Variants in MARCHF1 observed in about 807,000 individuals in gnomAD.
The protein encoded by MARCHF1 is membrane associated ring-CH-type finger 1.
MARCHF1 carries 40 observed loss-of-function variants against 54.2 expected under a neutral mutation model. The observed-to-expected ratio is 0.74, with a 90% CI of 0.57 to 0.96. MARCHF1 has a LOEUF of 0.96. Among genes scored for constraint, MARCHF1 ranks in the 40% least tolerant of loss-of-function variants. The pLI is 0.00. For missense variants in MARCHF1, 586 were observed against 656.5 expected (o/e 0.89, Z 1.17); for synonymous variants, 236 against 236.3 (o/e 1.00, Z 0.01).
At chr4:164,187,272 C>CT (rs35614135) in intron 1 of MARCHF1, among the ~76,000 whole-genome samples, 115,909 of 151,950 alleles carry the variant, frequency 0.76, 44,738 homozygotes, top group Non-Finnish European at 0.83. Flanking sequence ...GGTCTGCCCC[C>CT]CTCCTGGAGA....
intron 2 of MARCHF1, among the ~76,000 whole-genome samples, chr4:164,035,199 T>C (rs183548141): frequency 1.3e-5 from 2 of 152,216 alleles, no homozygotes; most frequent in East Asian, 3.9e-4. Context: ...TTTTATATAT[T>C]TTAGTGAAAG....
intron 2 of MARCHF1, among the ~76,000 whole-genome samples, chr4:164,023,321 T>A (rs1753704078): frequency 6.6e-6 from 1 of 152,022 alleles, no homozygotes; most frequent in South Asian, 2.1e-4. Context: ...CAGGTAAGGG[T>A]GTCATTTGTC....
intron 3 of MARCHF1, among the ~76,000 whole-genome samples, chr4:163,929,957 A>AT (rs1553963990): frequency 0.17 from 16,618 of 100,174 alleles, 1,394 homozygotes; most frequent in East Asian, 0.31. Context: ...TATATATATT[A>AT]TATATAATAT....
chr4:163,632,405 G>A (rs578034502), intron 5 of MARCHF1, among the ~76,000 whole-genome samples: 143 of 152,190 alleles, frequency 9.4e-4, no homozygotes, highest in Non-Finnish European at 1.8e-3. Flanking sequence ...TGCGCCAGCC[G>A]AAGCAGGGCG....
At chr4:163,860,915 C>T (rs183864675) in intron 3 of MARCHF1, among the ~76,000 whole-genome samples, 36 of 152,122 alleles carry the variant, frequency 2.4e-4, no homozygotes, top group African/African-American at 8.4e-4. Context: ...CTTTCTACAA[C>T]AACAAAAAAT....
chr4:164,347,395 C>G (rs926387862), intron 1 of MARCHF1, among the ~76,000 whole-genome samples: 3 of 152,152 alleles, frequency 2.0e-5, no homozygotes, highest in Admixed American at 6.5e-5. Flanking sequence ...AAACAAGTAT[C>G]TCTTTTAGGT....
chr4:163,710,952 T>C (rs1008596609), intron 4 of MARCHF1, among the ~76,000 whole-genome samples: 1 of 152,128 alleles, frequency 6.6e-6, no homozygotes, highest in Non-Finnish European at 1.5e-5. Flanking sequence ...AAGGATGGTA[T>C]ATGGGCAGGT....
intron 1 of MARCHF1, among the ~76,000 whole-genome samples, chr4:164,229,878 T>C (rs930271696): frequency 2.0e-5 from 3 of 152,038 alleles, no homozygotes; most frequent in African/African-American, 7.2e-5. Context: ...TGCTAAACCA[T>C]TCATAAGAAA....
intron 1 of MARCHF1, among the ~76,000 whole-genome samples, chr4:164,366,282 G>A (rs1455972120): frequency 2.0e-5 from 3 of 151,964 alleles, no homozygotes; most frequent in Non-Finnish European, 4.4e-5. Flanking sequence ...GTAATGAATT[G>A]TGGCTAGGCT....
At chr4:164,284,932 C>T (rs1283828752) in intron 1 of MARCHF1, among the ~76,000 whole-genome samples, 3 of 150,998 alleles carry the variant, frequency 2.0e-5, no homozygotes, top group Admixed American at 1.3e-4. Flanking sequence ...AGCTAAAGTA[C>T]ACATGCCTTT....
chr4:163,607,806 A>G (rs1367396276), intron 7 of MARCHF1, among the ~76,000 whole-genome samples: 3 of 152,122 alleles, frequency 2.0e-5, no homozygotes, highest in African/African-American at 7.2e-5. Context: ...ACCTGGGAAC[A>G]TTTTAAAAAT....
At chr4:163,632,977 G>A (rs1397113522) in intron 5 of MARCHF1, among the ~76,000 whole-genome samples, 1 of 151,830 alleles carries the variant, frequency 6.6e-6, no homozygotes, top group African/African-American at 2.4e-5. Flanking sequence ...GCGCCCCCCA[G>A]CAGGGGCACG....
chr4:164,087,809 T>G (rs1330014029), intron 2 of MARCHF1, among the ~76,000 whole-genome samples: 7 of 19,086 alleles, frequency 3.7e-4, no homozygotes, highest in African/African-American at 4.9e-4. Context: ...TTTTCTGTGT[T>G]TTTTTTTTTT....
intron 3 of MARCHF1, among the ~76,000 whole-genome samples, chr4:163,975,182 T>A (rs866204407): frequency 1.2e-3 from 173 of 139,372 alleles, no homozygotes; most frequent in African/African-American, 5.2e-3. Flanking sequence ...TCTCTCTCTC[T>A]CTCTCTCTCT....
chr4:163,664,764 A>G (rs1354856887), intron 5 of MARCHF1, among the ~76,000 whole-genome samples: 1 of 152,092 alleles, frequency 6.6e-6, no homozygotes, highest in Middle Eastern at 3.2e-3. Context: ...GTCTATAAAC[A>G]TATTAAATTA....
At chr4:164,116,323 C>T (rs931133255) in intron 1 of MARCHF1, among the ~76,000 whole-genome samples, 2 of 152,126 alleles carry the variant, frequency 1.3e-5, no homozygotes, top group Non-Finnish European at 2.9e-5. Context: ...ATAAAATTAA[C>T]ATTTTAGGGC....
At chr4:163,810,832 G>A (rs1308111400) in intron 4 of MARCHF1, among the ~76,000 whole-genome samples, 2 of 151,984 alleles carry the variant, frequency 1.3e-5, no homozygotes, top group African/African-American at 4.8e-5. Flanking sequence ...AAGAAGTCAC[G>A]TTGAAGCCAT....
intron 2 of MARCHF1, among the ~76,000 whole-genome samples, chr4:164,034,104 T>TAGATAGACAGAC (rs70948692): frequency 2.5e-4 from 35 of 141,758 alleles, no homozygotes; most frequent in South Asian, 4.5e-4. Flanking sequence ...GATAGATAGA[T>TAGATAGACAGAC]AGATAGATAG....
chr4:163,784,797 A>G (rs2110917458), intron 4 of MARCHF1, among the ~76,000 whole-genome samples: 1 of 152,260 alleles, frequency 6.6e-6, no homozygotes, highest in Middle Eastern at 3.4e-3. Flanking sequence ...ATGCTGTCCT[A>G]GTAATTAATT....
Sources: gnomAD v4.1 joint callset for allele counts (sites outside exome capture counted in the v4.1 genomes callset) on GRCh38, gnomAD v4.1.1 for gene constraint, MANE v1.5 for transcripts, NCBI Gene and HGNC (gene_info 2026-07-23, HGNC 2026-07-21) for gene names.